DGLUCY: variants seen among roughly 807,000 people sequenced by gnomAD.
DGLUCY encodes D-glutamate cyclase.
A neutral mutation model predicts 58.5 loss-of-function variants in DGLUCY; 58 were observed. The observed-to-expected ratio is 0.99, with a 90% CI of 0.80 to 1.23. The LOEUF (loss-of-function observed/expected upper bound fraction) is 1.23, where lower values mean the gene tolerates loss of function less well. DGLUCY is among the 50% of genes most tolerant of loss of function. The pLI is 0.00. For missense variants in DGLUCY, 779 were observed against 784.7 expected (o/e 0.99, Z 0.09); for synonymous variants, 325 against 314.1 (o/e 1.03, Z -0.37).
intron 1 of DGLUCY, among the ~76,000 whole-genome samples, chr14:91,069,079 C>A (rs146660603): frequency 6.6e-4 from 101 of 152,044 alleles, no homozygotes; most frequent in African/African-American, 2.3e-3. Flanking sequence ...AAAAGTGATT[C>A]TTTTTTTTAG....
chr14:91,224,191 G>T (rs1887899290), intron 13 of DGLUCY, among the ~76,000 whole-genome samples: 1 of 152,216 alleles, frequency 6.6e-6, no homozygotes, highest in African/African-American at 2.4e-5. Context: ...GAAATAGCCT[G>T]CACTGCACCT....
At chr14:91,076,347 T>C (rs1384437073) in intron 1 of DGLUCY, among the ~76,000 whole-genome samples, 1 of 152,202 alleles carries the variant, frequency 6.6e-6, no homozygotes, top group Non-Finnish European at 1.5e-5. Flanking sequence ...CATCCTCTCA[T>C]GTACTTTATA....
At chr14:91,173,890 G>T (rs1038413902) in intron 6 of DGLUCY, 5 of 151,832 alleles carry the variant, frequency 3.3e-5, no homozygotes, top group African/African-American at 1.2e-4. Flanking sequence ...TATATATTGG[G>T]TTTTGTCCAC....
At chr14:91,221,265 A>G (rs1011126086) in intron 13 of DGLUCY, among the ~76,000 whole-genome samples, 20 of 152,228 alleles carry the variant, frequency 1.3e-4, no homozygotes, top group Non-Finnish European at 4.4e-5. Context: ...GTGAGGGGCC[A>G]AAGAGTGAGA....
intron 1 of DGLUCY, among the ~76,000 whole-genome samples, chr14:91,146,889 C>T (rs568564299): frequency 1.9e-4 from 29 of 152,080 alleles, no homozygotes; most frequent in Non-Finnish European, 3.5e-4. Flanking sequence ...CCACCCAGCA[C>T]GGGGCTGCCA....
At chr14:91,077,940 A>T (rs2044057572) in intron 1 of DGLUCY, among the ~76,000 whole-genome samples, 1 of 138,708 alleles carries the variant, frequency 7.2e-6, no homozygotes, top group African/African-American at 2.7e-5. Context: ...TTCTTTTCAT[A>T]GCAAACTATC....
chr14:91,123,925 G>A (rs2045535812), intron 1 of DGLUCY, among the ~76,000 whole-genome samples: 1 of 146,104 alleles, frequency 6.8e-6, no homozygotes, highest in Non-Finnish European at 1.5e-5. Context: ...TTAATAATCA[G>A]ACTTTTTTTT....
chr14:91,099,016 C>T (rs1398810713), intron 1 of DGLUCY, among the ~76,000 whole-genome samples: 1 of 152,212 alleles, frequency 6.6e-6, no homozygotes, highest in Non-Finnish European at 1.5e-5. Context: ...GATGTCTGTT[C>T]TGCTCTAGGC....
In DGLUCY at chr14:91,086,845, C is replaced by T. The variant is rs140817910; in HGVS notation, c.-82+26141C>T. Among the ~76,000 whole-genome samples the T allele has an allele frequency of 5.2e-3, 790 of 152,248 alleles. 9 individuals carry two copies. Among genetic ancestry groups the T allele is most frequent in the African/African-American group, 0.018 (746 of 41,542 alleles). ...CTCAGCTCACTGCAACCTCCACCTC[C>T]GAGGCTTAAGCCATTCTCCTGCCTC... On this transcript the variant is annotated intron_variant, in intron 1 of 4. Transcript: ENST00000521334.
At position 91,070,034 on chromosome 14, in the gene DGLUCY, A is replaced by G. The variant is rs186475425; in HGVS notation, c.-82+9330A>G. Among the ~76,000 whole-genome samples, 350 of 152,280 alleles carry G rather than the reference A, an allele frequency of 2.3e-3. 1 individual carries two copies. Among genetic ancestry groups the G allele is most frequent in the Admixed American group, 4.6e-3 (71 of 15,290 alleles). On this transcript the variant is annotated intron_variant, in intron 1 of 4. Transcript: ENST00000521334. ...TTAAAGAAAAAAAATCGACTTTAGT[A>G]TAGGTGATCTACAGATAAGGCAAAA...
intron 1 of DGLUCY, 48 bp downstream of exon 1, chr14:91,114,331 A>C (rs1281450387): frequency 2.0e-5 from 3 of 152,298 alleles, no homozygotes; most frequent in African/African-American, 7.2e-5. Flanking sequence ...CCTCCGCCCC[A>C]GGCAGTATCC....
intron 11 of DGLUCY, 71 bp from the exon 12 acceptor site, chr14:91,204,635 G>A: frequency 5.1e-6 from 8 of 1,579,294 alleles, no homozygotes; most frequent in Non-Finnish European, 6.9e-6. Flanking sequence ...GCACATGTAG[G>A]GCTGCCTTGC....
chr14:91,186,616 A>C (rs2049538459), intron 8 of DGLUCY, among the ~76,000 whole-genome samples: 1 of 152,204 alleles, frequency 6.6e-6, no homozygotes, highest in Admixed American at 6.5e-5. Context: ...CTGTTATTTA[A>C]TACCATAAAC....
chr14:91,198,377 C>T (rs183228187), intron 10 of DGLUCY, among the ~76,000 whole-genome samples: 154 of 147,196 alleles, frequency 1.0e-3, no homozygotes, highest in Middle Eastern at 7.6e-3. Flanking sequence ...CGGGGTCTCA[C>T]TCTGTCACCC....
chr14:91,149,023 G>A (rs1175454604), intron 1 of DGLUCY, among the ~76,000 whole-genome samples: 2 of 152,056 alleles, frequency 1.3e-5, no homozygotes, highest in Non-Finnish European at 2.9e-5. Context: ...CGAGGCGGGT[G>A]GATCACCTGA....
intron 12 of DGLUCY, among the ~76,000 whole-genome samples, chr14:91,211,800 T>TTTGATTGA (rs79998257): frequency 1.6e-4 from 24 of 151,788 alleles, no homozygotes; most frequent in South Asian, 4.2e-4. Flanking sequence ...TTTATTTTAA[T>TTTGATTGA]TTGATTGATT....
rs969352042 is a variant in DGLUCY, at chr14:91,141,576, G to A, written c.-81-16063G>A. 4.2e-5 allele frequency among the ~76,000 whole-genome samples: 6 copies of A among 142,098 alleles called. No individual in the cohort carries two copies. The East Asian group carries it at 8.5e-4, about 20-fold the overall frequency. The allele number at this position is 142,098 out of a possible 152,430, so 93.2% of individuals were successfully genotyped here. A position where few individuals can be genotyped will look rare whatever the true frequency, so the allele number is the denominator to read the frequency against. On this transcript the variant is annotated intron_variant, in intron 1 of 13. Transcript: ENST00000256324. The stretch of plus-strand genomic sequence containing the variant: ...TAATTTTTTTTTTTTTTTTTGAAGC[G>A]GAGTCTCACTCTGTCGCCAGGCTGG...
chr14:91,084,964 T>C (rs574232181), intron 1 of DGLUCY, among the ~76,000 whole-genome samples: 3 of 152,316 alleles, frequency 2.0e-5, no homozygotes, highest in Admixed American at 2.0e-4. Context: ...GGCTTGTGCC[T>C]GTAATCCCAC....
rs992109435 is a variant in DGLUCY, at chr14:91,162,989, G to A, written c.103+2592G>A. 2.0e-5 allele frequency among the ~76,000 whole-genome samples: 3 copies of A among 152,110 alleles called. No homozygotes were observed. In the East Asian group the frequency reaches 5.8e-4, roughly 29 times the overall value. The stretch of plus-strand genomic sequence containing the variant: ...AGATACAATTTGTGCTGGGCATGAC[G>A]GCTCACACCTGTAATCCCAGCACTT... On this transcript the variant is annotated intron_variant, in intron 3 of 13. Coordinates refer to ENST00000256324, the MANE Select transcript of DGLUCY (RefSeq NM_001102368.3).
Sources: allele counts gnomAD v4.1 joint callset (sites outside exome capture counted in the v4.1 genomes callset), GRCh38; gene constraint gnomAD v4.1.1; transcripts MANE v1.5; gene names NCBI Gene and HGNC (gene_info 2026-07-23, HGNC 2026-07-21).